Variants in ICAM2 observed in about 807,000 individuals in gnomAD.
ICAM2 encodes the protein intercellular adhesion molecule 2.
Under a neutral mutation model 19.1 loss-of-function variants are expected in ICAM2, and 14 were observed. The observed-to-expected ratio is 0.73, with a 90% CI of 0.48 to 1.15. The LOEUF (loss-of-function observed/expected upper bound fraction) is 1.15, where lower values mean the gene tolerates loss of function less well. ICAM2 is among the 50% of genes most tolerant of loss of function. ICAM2 has a pLI of 0.00. For synonymous variants in ICAM2, 153 were observed against 152.7 expected, an observed-to-expected ratio of 1.00 and a Z score of -0.01; for missense variants, 311 against 355.4, an observed-to-expected ratio of 0.88 and a Z score of 1.00.
At chr17:64,011,844 G>A (rs1911465982) in intron 1 of ICAM2, among the ~76,000 whole-genome samples, 1 of 152,206 alleles carries the variant, frequency 6.6e-6, no homozygotes, top group African/African-American at 2.4e-5. Flanking sequence ...CAGCTGTTAT[G>A]GAAAATAGAA....
Position 64,003,673 on chromosome 17 carries a change from T to C in ICAM2, c.620A>G (p.His207Arg), listed in dbSNP as rs1013974987. ...MSRGGNIFHK[H>R]SAPKMLEIYE... is the part of the protein sequence containing the mutation. ...GATCTCCAACATCTTCGGGGCTGAG[T>C]GTTTGTGAAAGATGTTGCCACCGCG... Residue 207 changes from histidine to arginine, a missense_variant, in exon 4 of 5, where the codon CAC becomes CGC. Coordinates refer to ENST00000579788, the MANE Select transcript of ICAM2 (RefSeq NM_001099789.2). 50 of 1,613,822 alleles carry C rather than the reference T, an allele frequency of 3.1e-5. No homozygotes were observed. The highest frequency in any genetic ancestry group is 4.2e-5 in the Non-Finnish European group (50 of 1,179,980).
chr17:64,005,168 G>A lies in ICAM2; in HGVS notation c.267C>T (p.Leu89=). Residue 89 remains leucine (L), a synonymous_variant, in exon 3 of 5, where the codon CTC becomes CTT. Coordinates refer to ENST00000579788, the MANE Select transcript of ICAM2 (RefSeq NM_001099789.2). The part of the protein sequence containing the change: ...LVSNISHDTV[L]QCHFTCSGKQ... ...TCCCGGAGCAGGTGAAGTGGCATTG[G>A]AGGACCGTGTCATGGGAGATGTTTG... is the stretch of plus-strand genomic sequence containing the variant. 6.2e-7 allele frequency: 1 copy of A among 1,614,154 alleles called. No individual in the cohort carries two copies. Among genetic ancestry groups the A allele is most frequent in the Non-Finnish European group, 8.5e-7 (1 of 1,180,016 alleles).
intron 1 of ICAM2, among the ~76,000 whole-genome samples, chr17:64,016,131 A>G (rs1911709691): frequency 6.6e-6 from 1 of 152,230 alleles, no homozygotes; most frequent in Non-Finnish European, 1.5e-5. Flanking sequence ...ATTAGAGGCC[A>G]GTTTCACTCA....
At chr17:64,019,378 A>G (rs1911850742) in intron 1 of ICAM2, among the ~76,000 whole-genome samples, 1 of 149,608 alleles carries the variant, frequency 6.7e-6, no homozygotes, top group Admixed American at 6.8e-5. Flanking sequence ...CCTGGGAAAT[A>G]TAGTGTGACC....
At chr17:64,019,833 A>T (rs1911874848) in intron 1 of ICAM2, among the ~76,000 whole-genome samples, 1 of 151,638 alleles carries the variant, frequency 6.6e-6, no homozygotes, top group South Asian at 2.1e-4. Flanking sequence ...AAAAAAAAAA[A>T]AAAAAAAGCA....
intron 1 of ICAM2, among the ~76,000 whole-genome samples, chr17:64,017,463 T>C (rs1300022966): frequency 2.0e-5 from 3 of 152,094 alleles, no homozygotes; most frequent in African/African-American, 7.2e-5. Context: ...TCTAAATAAA[T>C]GGAGAGATAA....
At chr17:64,004,596 C>G (rs552266203) in intron 3 of ICAM2, 1 of 189,906 alleles carries the variant, frequency 5.3e-6, no homozygotes, top group African/African-American at 2.3e-5. Flanking sequence ...ATGGAATGGA[C>G]CCAGGTGATA....
At chr17:64,003,994 C>T in intron 3 of ICAM2, 30 bp from the exon 4 acceptor site, 1 of 1,543,680 alleles carries the variant, frequency 6.5e-7, no homozygotes, top group Non-Finnish European at 8.8e-7. Flanking sequence ...GAGGTCTGGT[C>T]AGGATGGGGG....
At chr17:64,003,023 C>T in intron 4 of ICAM2, 98 bp from the exon 5 acceptor site, 2 of 1,063,576 alleles carry the variant, frequency 1.9e-6, no homozygotes, top group Non-Finnish European at 2.7e-6. Context: ...GACCCCCAGA[C>T]CCCGCCGCCC....
At chr17:64,010,600 GT>G (rs1167548814) in intron 1 of ICAM2, among the ~76,000 whole-genome samples, 1 of 148,372 alleles carries the variant, frequency 6.7e-6, no homozygotes. Flanking sequence ...AAGAACCAAA[GT>G]TAACAAAAAC....
chr17:64,018,713 CTTTTTTTTTT>C (rs67934258), intron 1 of ICAM2, among the ~76,000 whole-genome samples: 7 of 62,886 alleles, frequency 1.1e-4, no homozygotes, highest in South Asian at 8.5e-4. Context: ...GTTTACTTCT[CTTTTTTTTTT>C]TTTTTTTTTT....
At chr17:64,012,250 C>T (rs1297530014) in intron 1 of ICAM2, among the ~76,000 whole-genome samples, 4 of 151,950 alleles carry the variant, frequency 2.6e-5, no homozygotes, top group Non-Finnish European at 4.4e-5. Context: ...ATTGATTGAA[C>T]CCAGGAGTTT....
intron 4 of ICAM2, 75 bp downstream of exon 4, chr17:64,003,569 A>G (rs922346066): frequency 2.2e-6 from 3 of 1,364,814 alleles, no homozygotes; most frequent in Middle Eastern, 3.7e-4. Flanking sequence ...CCCAAGTGGG[A>G]CTCAAGATTT....
Position 64,014,350 on chromosome 17 carries a change from A to G in ICAM2, c.-45+6173T>C, listed in dbSNP as rs994114749. Reference sequence around the variant, plus strand: ...AGGAAGGAAAGAAAGAAAGAAAGAAAGAAAGAAAGAAAGAAAGAAAGAAAG... The same window carrying G: ...AGGAAGGAAAGAAAGAAAGAAAGAAGGAAAGAAAGAAAGAAAGAAAGAAAG... On this transcript the variant is annotated intron_variant, in intron 1 of 4. Coordinates refer to ENST00000579788, the MANE Select transcript of ICAM2 (RefSeq NM_001099789.2). Among the ~76,000 whole-genome samples the G allele has an allele frequency of 3.1e-4, 16 of 51,818 alleles. 2 individuals carry two copies. The highest frequency in any genetic ancestry group is 6.7e-4 in the Non-Finnish European group (16 of 23,782). The allele number at this position is 51,818 out of a possible 152,430, so 34.0% of individuals were successfully genotyped here.
At chr17:64,006,892 G>T in intron 1 of ICAM2, 157 bp from the exon 2 acceptor site, 1 of 598,718 alleles carries the variant, frequency 1.7e-6, no homozygotes. Flanking sequence ...AATCCAGGCA[G>T]AGGAAGCTGG....
intron 1 of ICAM2, among the ~76,000 whole-genome samples, chr17:64,013,413 A>G (rs1911531656): frequency 6.6e-6 from 1 of 152,132 alleles, no homozygotes; most frequent in Non-Finnish European, 1.5e-5. Context: ...AGGTGGGAGG[A>G]TTGTTTGAAC....
intron 1 of ICAM2, among the ~76,000 whole-genome samples, chr17:64,007,144 G>C (rs1280827644): frequency 6.6e-6 from 1 of 152,180 alleles, no homozygotes; most frequent in African/African-American, 2.4e-5. Flanking sequence ...TAGCAAAAGG[G>C]GACAGTGACT....
At chr17:64,011,325 A>G (rs903537314) in intron 1 of ICAM2, among the ~76,000 whole-genome samples, 2 of 152,152 alleles carry the variant, frequency 1.3e-5, no homozygotes, top group Non-Finnish European at 2.9e-5. Flanking sequence ...AGCTGGGCGT[A>G]GTGGCACACG....
chr17:64,016,227 G>T (rs1911712028), intron 1 of ICAM2, among the ~76,000 whole-genome samples: 1 of 152,044 alleles, frequency 6.6e-6, no homozygotes, highest in African/African-American at 2.4e-5. Context: ...ATTCTAGTTG[G>T]GTTTATCTCA....
Sources: allele counts gnomAD v4.1 joint callset (sites outside exome capture counted in the v4.1 genomes callset), GRCh38; gene constraint gnomAD v4.1.1; transcripts MANE v1.5; gene names NCBI Gene and HGNC (gene_info 2026-07-23, HGNC 2026-07-21).